The following TAFA5 variants were observed in gnomAD, a reference collection of about 807,000 sequenced individuals.
TAFA5 encodes the protein TAFA chemokine like family member 5.
TAFA5 carries 6 observed loss-of-function variants against 15.3 expected under a neutral mutation model. The ratio of observed to expected loss-of-function variants is 0.39; its 90% CI spans 0.21 to 0.77. The LOEUF is 0.77. TAFA5 is among the 30% of genes least tolerant of loss of function. The pLI, the probability that TAFA5 is intolerant of heterozygous loss-of-function variation, is 0.41. For synonymous variants in TAFA5, 103 were observed against 80.7 expected (o/e 1.28, Z -1.48); for missense variants, 161 against 193.1 (o/e 0.83, Z 0.98).
At chr22:48,749,383 G>T (rs936274568) in intron 3 of TAFA5, among the ~76,000 whole-genome samples, 9 of 152,200 alleles carry the variant, frequency 5.9e-5, no homozygotes, top group African/African-American at 2.2e-4. Flanking sequence ...GCTCCGTGGT[G>T]GGGGTGCGGC....
intron 2 of TAFA5, among the ~76,000 whole-genome samples, chr22:48,661,187 C>G (rs1927426444): frequency 6.6e-6 from 1 of 152,200 alleles, no homozygotes; most frequent in Admixed American, 6.5e-5. Context: ...TGGCGTACTG[C>G]TGGCCCTACG....
intron 1 of TAFA5, among the ~76,000 whole-genome samples, chr22:48,533,655 C>T (rs1250351348): frequency 1.3e-5 from 2 of 152,156 alleles, no homozygotes; most frequent in Non-Finnish European, 2.9e-5. Flanking sequence ...GAGAAGGACA[C>T]CCTAGGGCCC....
At chr22:48,686,020 C>T (rs912856113) in intron 2 of TAFA5, among the ~76,000 whole-genome samples, 4 of 151,794 alleles carry the variant, frequency 2.6e-5, no homozygotes, top group Admixed American at 2.0e-4. Flanking sequence ...ACGTGTGCCC[C>T]GGGAGTACAT....
At chr22:48,568,782 A>G (rs1923488605) in intron 1 of TAFA5, among the ~76,000 whole-genome samples, 1 of 152,064 alleles carries the variant, frequency 6.6e-6, no homozygotes, top group African/African-American at 2.4e-5. Context: ...ATGCTGCCCC[A>G]TGAGCCTGGA....
At chr22:48,689,490 T>C (rs1928470865) in intron 2 of TAFA5, among the ~76,000 whole-genome samples, 1 of 152,224 alleles carries the variant, frequency 6.6e-6, no homozygotes, top group Non-Finnish European at 1.5e-5. Flanking sequence ...GGTCGGGTTC[T>C]GACGCCTGAG....
intron 1 of TAFA5, among the ~76,000 whole-genome samples, chr22:48,635,971 A>G (rs5771636): frequency 0.77 from 116,671 of 152,234 alleles, 45,087 homozygotes; most frequent in African/African-American, 0.86. Flanking sequence ...CTGTGGGTCC[A>G]GGGCGCCTTC....
chr22:48,720,587 T>TC (rs772876335), intron 3 of TAFA5, among the ~76,000 whole-genome samples: 1 of 151,802 alleles, frequency 6.6e-6, no homozygotes, highest in Non-Finnish European at 1.5e-5. Flanking sequence ...GACAGAGGGG[T>TC]CCTGGGGACC....
intron 2 of TAFA5, among the ~76,000 whole-genome samples, chr22:48,697,778 G>A (rs1284767161): frequency 9.1e-6 from 1 of 110,330 alleles, no homozygotes; most frequent in African/African-American, 4.1e-5. Context: ...GTGATAAAAT[G>A]ATGATGGTGA....
chr22:48,534,273 AG>A (rs1266189741), intron 1 of TAFA5, among the ~76,000 whole-genome samples: 21 of 151,548 alleles, frequency 1.4e-4, no homozygotes, highest in African/African-American at 4.8e-4. Flanking sequence ...GAGGTGGATC[AG>A]GCAATTGCGG....
intron 1 of TAFA5, among the ~76,000 whole-genome samples, chr22:48,592,690 C>T (rs747224645): frequency 7.7e-5 from 11 of 142,842 alleles, no homozygotes; most frequent in Non-Finnish European, 1.5e-4. Flanking sequence ...GTGACTAACT[C>T]GGTCCTGGGA....
rs5767197 is a variant in TAFA5, at chr22:48,572,967, G to A, written c.113-73630G>A. On this transcript the variant is annotated intron_variant, in intron 1 of 3. Coordinates refer to ENST00000402357, the MANE Select transcript of TAFA5 (RefSeq NM_001082967.3). ...CTAACTGAAGGCAGTGTTAAATTTC[G>A]TTTAGAGACATGTTAAATGCTCACT... Among the ~76,000 whole-genome samples, 2,692 of 152,282 alleles carry A rather than the reference G, an allele frequency of 0.018. 146 individuals carry two copies. In the East Asian group the frequency reaches 0.23, roughly 13 times the overall value.
intron 3 of TAFA5, among the ~76,000 whole-genome samples, chr22:48,735,952 C>T (rs1930003326): frequency 7.1e-6 from 1 of 140,684 alleles, no homozygotes; most frequent in African/African-American, 2.7e-5. Context: ...TCCTAGAGTC[C>T]AGAGTCCATC....
intron 1 of TAFA5, among the ~76,000 whole-genome samples, chr22:48,582,643 TATACCACAC>T (rs1167369927): frequency 2.6e-5 from 2 of 75,932 alleles, no homozygotes; most frequent in Middle Eastern, 0.013. Context: ...ACACACAAAA[TATACCACAC>T]ACACCACACA....
chr22:48,634,640 CTCAG>C (rs780306681), intron 1 of TAFA5, among the ~76,000 whole-genome samples: 3 of 151,814 alleles, frequency 2.0e-5, no homozygotes, highest in African/African-American at 2.4e-5. Flanking sequence ...CGGTCATTTA[CTCAG>C]TCATTCACTC....
intron 1 of TAFA5, among the ~76,000 whole-genome samples, chr22:48,494,802 C>G (rs909795485): frequency 6.6e-6 from 1 of 152,232 alleles, no homozygotes; most frequent in Non-Finnish European, 1.5e-5. Flanking sequence ...TTTCCAGAAG[C>G]GGGCCTGGCA....
chr22:48,571,857 T>C (rs775111371), intron 1 of TAFA5, among the ~76,000 whole-genome samples: 5 of 152,074 alleles, frequency 3.3e-5, no homozygotes, highest in Non-Finnish European at 5.9e-5. Context: ...CTATGTGCTC[T>C]CCACTCTTAT....
At chr22:48,671,944 TGG>T (rs1927817582) in intron 2 of TAFA5, among the ~76,000 whole-genome samples, 1 of 152,166 alleles carries the variant, frequency 6.6e-6, no homozygotes, top group Non-Finnish European at 1.5e-5. Flanking sequence ...GTCCAGATCT[TGG>T]GTCTTGTACA....
At chr22:48,681,055 G>A (rs1196880609) in intron 2 of TAFA5, among the ~76,000 whole-genome samples, 1 of 152,246 alleles carries the variant, frequency 6.6e-6, no homozygotes, top group African/African-American at 2.4e-5. Flanking sequence ...GGCCCTACCT[G>A]TCAGATTCAG....
chr22:48,708,694 C>T (rs557607530), intron 3 of TAFA5, among the ~76,000 whole-genome samples: 1 of 152,302 alleles, frequency 6.6e-6, no homozygotes, highest in African/African-American at 2.4e-5. Context: ...AGTGGGTGAG[C>T]GTTTCCCTAA....
Sources: gnomAD v4.1 joint callset for allele counts (sites outside exome capture counted in the v4.1 genomes callset) on GRCh38, gnomAD v4.1.1 for gene constraint, MANE v1.5 for transcripts, NCBI Gene and HGNC (gene_info 2026-07-23, HGNC 2026-07-21) for gene names.